IL19: variants seen among roughly 807,000 people sequenced by gnomAD.
IL19 encodes the protein interleukin-19.
IL19 carries 15 observed loss-of-function variants against 19.5 expected under a neutral mutation model. That is an observed-to-expected ratio of 0.77 (90% CI 0.52 to 1.19). The LOEUF is 1.19. Among genes scored for constraint, IL19 ranks in the 50% most tolerant of loss-of-function variants. The pLI is 0.00. For synonymous variants in IL19, 78 were observed against 78.3 expected (o/e 1.00, Z 0.02); for missense variants, 199 against 213.1 (o/e 0.93, Z 0.41).
chr1:206,785,572 G>A (rs192315269), intron 1 of IL19, among the ~76,000 whole-genome samples: 1 of 152,212 alleles, frequency 6.6e-6, no homozygotes, highest in Non-Finnish European at 1.5e-5. Context: ...CAGAAGGTTA[G>A]CATTTCAATG....
chr1:206,842,497 G>A (rs1327161399), intron 6 of IL19, 30 bp from the exon 7 acceptor site: 3 of 1,339,424 alleles, frequency 2.2e-6, no homozygotes, highest in African/African-American at 1.5e-5. Flanking sequence ...GTCTAGAAAG[G>A]TGGGTTCTTA....
intron 2 of IL19, among the ~76,000 whole-genome samples, chr1:206,824,272 C>G (rs1279021084): frequency 1.3e-5 from 2 of 152,132 alleles, no homozygotes; most frequent in African/African-American, 2.4e-5. Context: ...CCTTAGCCTT[C>G]CCATCTAAAG....
chr1:206,827,645 C>A (rs1389633798), intron 2 of IL19, among the ~76,000 whole-genome samples: 1 of 151,036 alleles, frequency 6.6e-6, no homozygotes, highest in Non-Finnish European at 1.5e-5. Flanking sequence ...GAGCCGAGAT[C>A]GTGCCACTGC....
At chr1:206,799,049 C>T (rs367984327) in intron 2 of IL19, 43 bp downstream of exon 2, 1 of 1,298,598 alleles carries the variant, frequency 7.7e-7, no homozygotes, top group East Asian at 2.3e-5. Context: ...TGGAGCCATT[C>T]TCTGGGACCA....
At chr1:206,836,471 A>G (rs1281520740) in intron 2 of IL19, among the ~76,000 whole-genome samples, 190 bp from the exon 3 acceptor site, 3 of 152,262 alleles carry the variant, frequency 2.0e-5, no homozygotes, top group African/African-American at 7.2e-5. Context: ...AAGAACTCAT[A>G]TCCAGTTGAC....
intron 2 of IL19, among the ~76,000 whole-genome samples, chr1:206,804,448 T>G (rs776984746): frequency 6.6e-6 from 1 of 152,176 alleles, no homozygotes; most frequent in Non-Finnish European, 1.5e-5. Context: ...ACCCCCAGGT[T>G]GAGTGCACTG....
chr1:206,837,256 A>G (rs1676828158), intron 4 of IL19, among the ~76,000 whole-genome samples: 1 of 152,086 alleles, frequency 6.6e-6, no homozygotes, highest in Non-Finnish European at 1.5e-5. Context: ...TGGGGGTGCC[A>G]GGTGCTCAGA....
intron 1 of IL19, among the ~76,000 whole-genome samples, chr1:206,785,377 G>A (rs1675245007): frequency 6.6e-6 from 1 of 152,170 alleles, no homozygotes; most frequent in South Asian, 2.1e-4. Context: ...AATCCTTTAC[G>A]AAATCACCAG....
intron 2 of IL19, among the ~76,000 whole-genome samples, chr1:206,819,814 A>G (rs372741330): frequency 1.2e-4 from 18 of 152,352 alleles, no homozygotes; most frequent in South Asian, 2.1e-4. Flanking sequence ...TTTGCCAGAA[A>G]CTGCCAGGTC....
At chr1:206,827,621 G>C (rs887725988) in intron 2 of IL19, among the ~76,000 whole-genome samples, 30 of 151,844 alleles carry the variant, frequency 2.0e-4, no homozygotes, top group Admixed American at 8.5e-4. Context: ...ACCCCGGGGG[G>C]CGGAGCCTGC....
intron 1 of IL19, among the ~76,000 whole-genome samples, chr1:206,782,074 T>TATATATGTATATAG (rs2102449131): frequency 4.1e-5 from 6 of 145,954 alleles, no homozygotes; most frequent in African/African-American, 1.3e-4. Context: ...TGTGTAAACA[T>TATATATGTATATAG]TTATCATATT....
chr1:206,814,372 T>C (rs375934605), intron 2 of IL19, among the ~76,000 whole-genome samples: 2 of 151,324 alleles, frequency 1.3e-5, no homozygotes, highest in South Asian at 2.1e-4. Flanking sequence ...GTAAACAGCA[T>C]TCTGCAGAGG....
At chr1:206,775,685 G>A (rs966464058) in intron 1 of IL19, among the ~76,000 whole-genome samples, 1 of 152,194 alleles carries the variant, frequency 6.6e-6, no homozygotes, top group Non-Finnish European at 1.5e-5. Context: ...GAAGATACCT[G>A]TTCATCTGAA....
chr1:206,774,602 C>T (rs1327219745), intron 1 of IL19, among the ~76,000 whole-genome samples: 5 of 152,218 alleles, frequency 3.3e-5, no homozygotes, highest in Admixed American at 3.3e-4. Context: ...CTTTGTTTCC[C>T]ATCTTGCCTT....
At chr1:206,786,963 C>T (rs570405966) in intron 1 of IL19, among the ~76,000 whole-genome samples, 8 of 152,238 alleles carry the variant, frequency 5.3e-5, no homozygotes, top group Admixed American at 1.3e-4. Context: ...TCAAAGCACT[C>T]ATTTTATCAG....
chr1:206,783,027 C>T (rs1378699336), intron 1 of IL19, among the ~76,000 whole-genome samples: 1 of 152,168 alleles, frequency 6.6e-6, no homozygotes, highest in Non-Finnish European at 1.5e-5. Flanking sequence ...TTGCCATTCT[C>T]GTCTCATCCC....
At chr1:206,796,442 ATG>A (rs1433674965) in intron 1 of IL19, among the ~76,000 whole-genome samples, 1 of 152,148 alleles carries the variant, frequency 6.6e-6, no homozygotes, top group African/African-American at 2.4e-5. Flanking sequence ...GGCTTGTACT[ATG>A]TTAATTTTCA....
chr1:206,804,761 G>A (rs1356888972), intron 2 of IL19, among the ~76,000 whole-genome samples: 1 of 152,226 alleles, frequency 6.6e-6, no homozygotes, highest in Non-Finnish European at 1.5e-5. Flanking sequence ...TTTGCGGGTG[G>A]AAGAATAGAA....
chr1:206,820,218 G>A (rs75714884), intron 2 of IL19, among the ~76,000 whole-genome samples: 5 of 152,218 alleles, frequency 3.3e-5, no homozygotes, highest in East Asian at 3.9e-4. Flanking sequence ...CTGAGTGATC[G>A]ATAAAAATCA....
Sources: gnomAD v4.1 joint callset for allele counts (sites outside exome capture counted in the v4.1 genomes callset) on GRCh38, gnomAD v4.1.1 for gene constraint, MANE v1.5 for transcripts, NCBI Gene and HGNC (gene_info 2026-07-23, HGNC 2026-07-21) for gene names.